Variants in SCFD2 observed in about 807,000 individuals in gnomAD.
The protein encoded by SCFD2 is sec1 family domain-containing protein 2.
SCFD2 carries 54 observed loss-of-function variants against 58.9 expected under a neutral mutation model. That is an observed-to-expected ratio of 0.92 (90% CI 0.74 to 1.15). The LOEUF (loss-of-function observed/expected upper bound fraction) is 1.15. Among genes scored for constraint, SCFD2 ranks in the 50% most tolerant of loss-of-function variants. The probability of loss-of-function intolerance (pLI) is 0.00; values close to 1 mark genes in which losing one functional copy is unlikely to be tolerated. For missense variants in SCFD2, 805 were observed against 836.6 expected, an observed-to-expected ratio of 0.96 and a Z score of 0.47; for synonymous variants, 321 against 335.9, an observed-to-expected ratio of 0.96 and a Z score of 0.49.
chr4:52,878,291 C>T (rs1356787864), intron 8 of SCFD2, among the ~76,000 whole-genome samples: 3 of 152,170 alleles, frequency 2.0e-5, no homozygotes, highest in African/African-American at 7.2e-5. Flanking sequence ...AGTGTAGCCA[C>T]GGTCACTGGG....
intron 5 of SCFD2, among the ~76,000 whole-genome samples, chr4:53,035,513 G>T (rs557092251): frequency 5.3e-5 from 8 of 152,262 alleles, no homozygotes; most frequent in African/African-American, 1.9e-4. Context: ...CACAGCAAAA[G>T]AAACTATCAT....
rs200659021 is a variant in SCFD2, at chr4:52,962,835, CT to C, written c.1562-41966del. 7.0e-3 allele frequency among the ~76,000 whole-genome samples: 1,073 copies of C among 152,242 alleles called. 14 individuals carry two copies. Among genetic ancestry groups the C allele is most frequent in the African/African-American group, 0.025 (1,032 of 41,542 alleles). On this transcript the variant is annotated intron_variant, in intron 5 of 8. Coordinates refer to ENST00000401642, the MANE Select transcript of SCFD2 (RefSeq NM_152540.4). ...CTTTCTTTGAAATGAAGTCGAATCCCTTTTTCCCAAGACAGCTTATCCAATA... is the reference window on the plus strand; with the variant it reads ...CTTTCTTTGAAATGAAGTCGAATCCCTTTTCCCAAGACAGCTTATCCAATA...
chr4:53,236,402 A>G (rs539964957), intron 4 of SCFD2, among the ~76,000 whole-genome samples: 4 of 150,882 alleles, frequency 2.7e-5, no homozygotes, highest in East Asian at 3.9e-4. Context: ...GTGTGTGTGT[A>G]TATATATATG....
intron 5 of SCFD2, among the ~76,000 whole-genome samples, chr4:52,940,880 T>A (rs767811061): frequency 5.3e-5 from 8 of 152,144 alleles, no homozygotes; most frequent in Non-Finnish European, 1.2e-4. Context: ...GGAGGACTGG[T>A]TAAGACCCTT....
At chr4:53,204,770 G>A (rs1359612238) in intron 4 of SCFD2, among the ~76,000 whole-genome samples, 1 of 149,244 alleles carries the variant, frequency 6.7e-6, no homozygotes, top group Non-Finnish European at 1.5e-5. Flanking sequence ...GAGAATACTG[G>A]TAAGAAGATT....
intron 8 of SCFD2, among the ~76,000 whole-genome samples, chr4:52,878,995 C>A (rs1439326148): frequency 6.6e-6 from 1 of 152,220 alleles, no homozygotes; most frequent in Non-Finnish European, 1.5e-5. Flanking sequence ...CCCTCCCTCT[C>A]TTTCCTCCTG....
In SCFD2 at chr4:53,365,361, T is replaced by G; in HGVS notation, c.581A>C (p.Lys194Thr). The G allele has an allele frequency of 6.2e-7, 1 of 1,614,182 alleles. No homozygotes were observed. Among genetic ancestry groups the G allele is most frequent in the Non-Finnish European group, 8.5e-7 (1 of 1,180,036 alleles). ...ATCACCCAGGCTTCCCAGCTTCCTC[T>G]TGTCCGGTCGGGCGCTATTAAGGAG... ...VHLLNSARPD[K>T]RKLGSLGDVD... Residue 194 changes from lysine (K) to threonine (T), a missense_variant, in exon 1 of 9, where the codon AAG becomes ACG. Lys to Thr is a moderately conservative substitution (Grantham distance 78). Transcript: ENST00000401642. The surrounding 1 kb of genome is among the most constrained non-coding windows in gnomAD (Gnocchi z 4.3).
At chr4:52,888,911 G>A (rs1292910452) in intron 7 of SCFD2, among the ~76,000 whole-genome samples, 1 of 152,158 alleles carries the variant, frequency 6.6e-6, no homozygotes, top group Non-Finnish European at 1.5e-5. Context: ...AGCTCCTGCA[G>A]ACGACACCTC....
At chr4:53,364,793 T>A (rs1734646024) in intron 1 of SCFD2, among the ~76,000 whole-genome samples, 1 of 152,218 alleles carries the variant, frequency 6.6e-6, no homozygotes, top group Admixed American at 6.5e-5. Context: ...AAAATAAAAT[T>A]TCCCAGGTGC....
At chr4:53,003,109 A>T (rs755695811) in intron 5 of SCFD2, among the ~76,000 whole-genome samples, 5 of 152,246 alleles carry the variant, frequency 3.3e-5, no homozygotes, top group Admixed American at 6.5e-5. Flanking sequence ...CCAACACGGG[A>T]TTACAATTCA....
At chr4:53,326,138 T>A (rs1481802217) in intron 2 of SCFD2, among the ~76,000 whole-genome samples, 3 of 146,462 alleles carry the variant, frequency 2.0e-5, no homozygotes, top group Admixed American at 6.6e-5. Context: ...ATTTTATTTA[T>A]TTTATTTTAT....
chr4:53,053,980 T>C (rs781367840), intron 5 of SCFD2, among the ~76,000 whole-genome samples: 2 of 152,158 alleles, frequency 1.3e-5, no homozygotes, highest in African/African-American at 2.4e-5. Flanking sequence ...AAATACACAG[T>C]AGAGTATAAT....
chr4:53,120,036 A>G (rs1481579212), intron 5 of SCFD2, among the ~76,000 whole-genome samples: 1 of 152,182 alleles, frequency 6.6e-6, no homozygotes, highest in Admixed American at 6.5e-5. Flanking sequence ...GTTTCACCAA[A>G]TCCAACTCAA....
At chr4:52,946,317 T>C (rs1720425043) in intron 5 of SCFD2, among the ~76,000 whole-genome samples, 2 of 152,168 alleles carry the variant, frequency 1.3e-5, no homozygotes, top group Admixed American at 6.5e-5. Flanking sequence ...TAAGATCTCA[T>C]AGGAAAAGAT....
chr4:53,023,744 C>T (rs180859087), intron 5 of SCFD2, among the ~76,000 whole-genome samples: 1 of 152,148 alleles, frequency 6.6e-6, no homozygotes, highest in East Asian at 1.9e-4. Flanking sequence ...CTGCTTTGGA[C>T]GTCTTTTGGA....
At chr4:53,238,652 C>A (rs1281024034) in intron 4 of SCFD2, among the ~76,000 whole-genome samples, 1 of 151,692 alleles carries the variant, frequency 6.6e-6, no homozygotes, top group Non-Finnish European at 1.5e-5. Flanking sequence ...GACGGGGTGG[C>A]CGGGCAGAGA....
intron 5 of SCFD2, among the ~76,000 whole-genome samples, chr4:52,973,306 A>T (rs1721159752): frequency 6.6e-6 from 1 of 152,258 alleles, no homozygotes; most frequent in African/African-American, 2.4e-5. Context: ...AGAAGAATCA[A>T]ATAGACACAA....
At chr4:53,197,747 C>CAAAAAAAAA (rs10717880) in intron 4 of SCFD2, among the ~76,000 whole-genome samples, 4 of 96,612 alleles carry the variant, frequency 4.1e-5, no homozygotes, top group Admixed American at 1.2e-4. Flanking sequence ...TAGAAGATGG[C>CAAAAAAAAA]AAAAAAAAAA....
intron 2 of SCFD2, 132 bp from the exon 3 acceptor site, chr4:53,313,895 T>C (rs1732776927): frequency 1.4e-6 from 1 of 691,710 alleles, no homozygotes; most frequent in Non-Finnish European, 2.3e-6. Flanking sequence ...ACTCTAAGTA[T>C]TAGGATTAAA....
Sources: allele counts gnomAD v4.1 joint callset (sites outside exome capture counted in the v4.1 genomes callset), GRCh38; gene constraint gnomAD v4.1.1; non-coding constraint Gnocchi (gnomAD v3.1); transcripts MANE v1.5; gene names NCBI Gene and HGNC (gene_info 2026-07-23, HGNC 2026-07-21).